DSCAM: variants seen among roughly 807,000 people sequenced by gnomAD.
DSCAM encodes DS cell adhesion molecule, also known as cell adhesion molecule DSCAM.
Under a neutral mutation model 217.7 loss-of-function variants are expected in DSCAM, and 47 were observed. The observed-to-expected ratio is 0.22, with a 90% CI of 0.17 to 0.28. The LOEUF is 0.28. Ranked by LOEUF, DSCAM falls within the 10% of genes least tolerant of loss-of-function variation. The probability of loss-of-function intolerance (pLI) is 1.00; values close to 1 mark genes in which losing one functional copy is unlikely to be tolerated. For missense variants in DSCAM, 2,080 were observed against 2,618.3 expected, an observed-to-expected ratio of 0.79 and a Z score of 4.49; for synonymous variants, 1,056 against 1,015.3, an observed-to-expected ratio of 1.04 and a Z score of -0.76.
intron 1 of DSCAM, among the ~76,000 whole-genome samples, chr21:40,802,013 G>T (rs553991592): frequency 2.6e-4 from 39 of 152,230 alleles, no homozygotes; most frequent in Non-Finnish European, 5.1e-4. Flanking sequence ...CCTCCACCAG[G>T]ATCCCAAAAC....
intron 14 of DSCAM, among the ~76,000 whole-genome samples, chr21:40,181,071 C>G (rs906935175): frequency 1.3e-5 from 2 of 152,160 alleles, no homozygotes; most frequent in African/African-American, 4.8e-5. Flanking sequence ...CGTTACAAAG[C>G]CCATCCTCAC....
intron 3 of DSCAM, among the ~76,000 whole-genome samples, chr21:40,415,300 A>G (rs2075360327): frequency 6.6e-6 from 1 of 152,270 alleles, no homozygotes; most frequent in South Asian, 2.1e-4. Flanking sequence ...GCAGTGCAAC[A>G]TGGCGGAATA....
rs781716602 is a variant in DSCAM at position 40,013,057 on chromosome 21, C to T, written c.6016G>A (p.Ala2006Thr). The change falls in exon 33 of 33, where the codon GCA (alanine) becomes ACA (threonine). Residue 2006 changes from alanine to threonine, a missense_variant. By Grantham distance (58) the Ala-to-Thr change is moderately conservative (BLOSUM62 0). Around this residue, in one of 5 missense-constraint regions of DSCAM, gnomAD observed 5 missense variants for 16.5 expected, o/e 0.30. Coordinates refer to ENST00000400454, the MANE Select transcript of DSCAM (RefSeq NM_001389.5). Reference sequence around the variant, plus strand: ...TGTTATACCAGGGTGTAAGATTTTGCGTAAGGATTGTTTCCTTTCAAATGG... The same window carrying T: ...TGTTATACCAGGGTGTAAGATTTTGTGTAAGGATTGTTTCCTTTCAAATGG... Reference protein sequence around the residue: ...RGHLKGNNPYAKSYTLV With the variant: ...RGHLKGNNPYTKSYTLV 16 of 1,527,444 alleles carry T rather than the reference C, an allele frequency of 1.0e-5. No individual in the cohort carries two copies. Among genetic ancestry groups the T allele is most frequent in the East Asian group, 2.3e-5 (1 of 43,286 alleles). 94.6% of individuals were successfully genotyped at this position (1,527,444 alleles called of 1,614,324 possible). A position where few individuals can be genotyped will look rare whatever the true frequency, so the allele number is the denominator to read the frequency against.
intron 3 of DSCAM, among the ~76,000 whole-genome samples, chr21:40,591,709 T>C (rs1473934604): frequency 1.3e-5 from 2 of 152,248 alleles, no homozygotes; most frequent in Admixed American, 1.3e-4. Flanking sequence ...GTCATAGTTA[T>C]AATAGGGACA....
intron 20 of DSCAM, among the ~76,000 whole-genome samples, chr21:40,103,848 A>C (rs906442695): frequency 6.0e-5 from 9 of 150,876 alleles, no homozygotes; most frequent in African/African-American, 2.2e-4. Context: ...ATATATGACT[A>C]TATGTAGACT....
Position 40,363,007 on chromosome 21 carries a change from T to C in DSCAM, c.655+6092A>G, listed in dbSNP as rs554944929. On this transcript the variant is annotated intron_variant, in intron 4 of 32. Coordinates refer to ENST00000400454, the MANE Select transcript of DSCAM (RefSeq NM_001389.5). ...CCGCTTTATGTTGATTCCTATGTCATTTTGACAAGACCCCATTCATGTTTC... is the reference window on the plus strand; with the variant it reads ...CCGCTTTATGTTGATTCCTATGTCACTTTGACAAGACCCCATTCATGTTTC... Among the ~76,000 whole-genome samples the C allele has an allele frequency of 1.4e-4, 22 of 152,256 alleles. No individual in the cohort carries two copies. In the South Asian group the frequency reaches 4.6e-3, roughly 32 times the overall value.
Position 40,142,628 on chromosome 21 carries a change from A to G in DSCAM, c.3336T>C (p.Leu1112=), listed in dbSNP as rs374470046. The part of the protein sequence containing the change: ...PESISISWST[L]SKEALNGILQ... ...GAATTCCATTCAAGGCTTCCTTGGA[A>G]AGTGTGGACCAGGATATTGATATGC... The change falls in exon 18 of 33, where the codon CTT becomes CTC. Residue 1112 remains leucine, a synonymous_variant. Coordinates refer to ENST00000400454, the MANE Select transcript of DSCAM (RefSeq NM_001389.5). The G allele has an allele frequency of 1.2e-6, 2 of 1,614,176 alleles. No individual in the cohort carries two copies. Among genetic ancestry groups the G allele is most frequent in the South Asian group, 2.2e-5 (2 of 91,074 alleles).
chr21:40,301,446 C>T (rs2074012831), intron 9 of DSCAM, among the ~76,000 whole-genome samples: 2 of 152,238 alleles, frequency 1.3e-5, no homozygotes, highest in Admixed American at 1.3e-4. Flanking sequence ...ATTCTTGCTG[C>T]TGGGTCTTCA....
At chr21:40,181,883 G>A (rs908282972) in intron 14 of DSCAM, among the ~76,000 whole-genome samples, 5 of 151,996 alleles carry the variant, frequency 3.3e-5, no homozygotes, top group African/African-American at 9.7e-5. Flanking sequence ...AAGCATTCAC[G>A]AAAGAGTGGG....
intron 32 of DSCAM, among the ~76,000 whole-genome samples, chr21:40,017,646 G>A (rs190639838): frequency 1.3e-4 from 19 of 151,660 alleles, no homozygotes; most frequent in East Asian, 9.7e-4. Context: ...TCCACCTCCC[G>A]GTTCAAGCGA....
At chr21:40,013,466 C>G in intron 32 of DSCAM, 80 bp from the exon 33 acceptor site, 2 of 1,073,974 alleles carry the variant, frequency 1.9e-6, no homozygotes, top group Non-Finnish European at 2.6e-6. Context: ...ACACGGGAAG[C>G]CATGCGGGCT....
At chr21:40,601,381 TGAC>T (rs941501876) in intron 3 of DSCAM, among the ~76,000 whole-genome samples, 2 of 152,234 alleles carry the variant, frequency 1.3e-5, no homozygotes, top group African/African-American at 4.8e-5. Context: ...CAACCCTCTA[TGAC>T]TACTTATTAA....
intron 1 of DSCAM, among the ~76,000 whole-genome samples, chr21:40,783,106 G>A (rs1327478554): frequency 6.6e-6 from 1 of 152,228 alleles, no homozygotes; most frequent in Non-Finnish European, 1.5e-5. Context: ...AGAGAGAAGG[G>A]AGAGTGTAAA....
chr21:40,532,344 G>A (rs992083000), intron 3 of DSCAM, among the ~76,000 whole-genome samples: 1 of 152,132 alleles, frequency 6.6e-6, no homozygotes, highest in Non-Finnish European at 1.5e-5. Context: ...CTTGCAGATT[G>A]ATTTCCCTGA....
At chr21:40,714,216 C>T (rs2090815244) in intron 1 of DSCAM, among the ~76,000 whole-genome samples, 1 of 152,142 alleles carries the variant, frequency 6.6e-6, no homozygotes, top group Non-Finnish European at 1.5e-5. Flanking sequence ...TGGGCCAGAG[C>T]TGCAGCAGAG....
chr21:40,204,159 T>A lies in DSCAM; in HGVS notation c.2357-14921A>T, dbSNP rs77913773. On this transcript the variant is annotated intron_variant, in intron 11 of 32. Transcript: ENST00000400454. ...GTTCCCAGTGGTGTTTTCAAAGAGATTGCTGCTACAGATTAATTGTAGGGC... is the reference window on the plus strand; with the variant it reads ...GTTCCCAGTGGTGTTTTCAAAGAGAATGCTGCTACAGATTAATTGTAGGGC... Among the ~76,000 whole-genome samples, 1,055 of 152,336 alleles carry A rather than the reference T, an allele frequency of 6.9e-3. 16 individuals carry two copies. Among genetic ancestry groups the A allele is most frequent in the African/African-American group, 0.024 (1,016 of 41,580 alleles).
intron 20 of DSCAM, among the ~76,000 whole-genome samples, chr21:40,112,724 T>C (rs553859569): frequency 2.0e-5 from 3 of 151,998 alleles, no homozygotes; most frequent in African/African-American, 7.2e-5. Flanking sequence ...ATACAAATGA[T>C]AAAGGGGATA....
intron 3 of DSCAM, among the ~76,000 whole-genome samples, chr21:40,393,424 A>G (rs1461208398): frequency 1.3e-5 from 2 of 152,222 alleles, no homozygotes; most frequent in Non-Finnish European, 2.9e-5. Flanking sequence ...AAATACAACG[A>G]AAATTCTAGA....
chr21:40,118,090 A>G (rs1270961076), intron 20 of DSCAM, among the ~76,000 whole-genome samples: 1 of 152,216 alleles, frequency 6.6e-6, no homozygotes, highest in Non-Finnish European at 1.5e-5. Context: ...GTGGAAATCT[A>G]TCTAGGTCAT....
Sources: allele counts gnomAD v4.1 joint callset (sites outside exome capture counted in the v4.1 genomes callset), GRCh38; gene constraint gnomAD v4.1.1; regional missense constraint gnomAD v4.1.1; transcripts MANE v1.5; gene names NCBI Gene and HGNC (gene_info 2026-07-23, HGNC 2026-07-21).